TACC2: variants seen among roughly 807,000 people sequenced by gnomAD.
TACC2 encodes the protein transforming acidic coiled-coil containing protein 2, also known as transforming acidic coiled-coil-containing protein 2.
TACC2 carries 137 observed loss-of-function variants against 227.3 expected under a neutral mutation model. The ratio of observed to expected loss-of-function variants is 0.60; its 90% CI spans 0.52 to 0.69. The LOEUF (loss-of-function observed/expected upper bound fraction) is 0.69, where lower values mean the gene tolerates loss of function less well. Among genes scored for constraint, TACC2 ranks in the 30% least tolerant of loss-of-function variants. TACC2 has a pLI of 0.00. For synonymous variants in TACC2, 1,523 were observed against 1,487.5 expected (o/e 1.02, Z -0.55); for missense variants, 3,470 against 3,694.4 (o/e 0.94, Z 1.57).
rs370448226 is a variant in TACC2 at position 122,088,539 on chromosome 10, G to C, written c.5521G>C (p.Val1841Leu). 5.5e-5 allele frequency: 89 copies of C among 1,613,876 alleles called. 1 individual carries two copies. The highest frequency in any genetic ancestry group is 6.9e-5 in the Non-Finnish European group (81 of 1,179,914). The change falls in exon 5 of 23, where the codon GTC (valine) becomes CTC (leucine). Residue 1841 changes from valine (V) to leucine (L), a missense_variant. Val to Leu is a conservative substitution (Grantham distance 32). This residue lies in a region of TACC2 where 1,924 missense variants were observed against 1,978.3 expected (regional missense o/e 0.97). Coordinates refer to ENST00000369005, the MANE Select transcript of TACC2 (RefSeq NM_206862.4). ...PSVPKKDAPR[V>L]MDKVTSDETR... is the part of the protein sequence containing the mutation. ...GGTTCCTAAGAAGGATGCTCCAAGA[G>C]TCATGGATAAAGTCACTTCAGATGA...
intron 3 of TACC2, among the ~76,000 whole-genome samples, chr10:122,075,933 G>A (rs1367126126): frequency 1.3e-5 from 2 of 152,126 alleles, no homozygotes; most frequent in Non-Finnish European, 2.9e-5. Flanking sequence ...CCAAGTAGCT[G>A]GGATTACAGG....
rs925405340 is a variant in TACC2 at position 122,102,838 on chromosome 10, C to T, written c.5573+14247C>T. Reference sequence around the variant, plus strand: ...AGAAATTCTGGCTGAGGCTGAGAGCCGTGTGCAGAGCTGCCCCCACACATT... The same window carrying T: ...AGAAATTCTGGCTGAGGCTGAGAGCTGTGTGCAGAGCTGCCCCCACACATT... On this transcript the variant is annotated intron_variant, in intron 5 of 22. Transcript: ENST00000369005. Among the ~76,000 whole-genome samples the T allele has an allele frequency of 1.3e-4, 20 of 152,194 alleles. No individual in the cohort carries two copies. In the South Asian group the frequency reaches 2.3e-3, roughly 17 times the overall value.
chr10:122,139,256 G>T (rs768781224), intron 6 of TACC2, among the ~76,000 whole-genome samples: 2 of 152,250 alleles, frequency 1.3e-5, no homozygotes, highest in Non-Finnish European at 2.9e-5. Flanking sequence ...GAGCTGACCA[G>T]CCAGTTCAGG....
intron 8 of TACC2, among the ~76,000 whole-genome samples, chr10:122,207,869 G>A (rs779658019): frequency 1.7e-4 from 26 of 152,292 alleles, no homozygotes; most frequent in Middle Eastern, 6.8e-3. Flanking sequence ...GTTGGTGTTT[G>A]TGGGCCTTGA....
In TACC2 at chr10:122,085,571, G is replaced by A. The variant is rs963069615; in HGVS notation, c.3071G>A (p.Cys1024Tyr). 16 of 1,613,192 alleles carry A rather than the reference G, an allele frequency of 9.9e-6. No homozygotes were observed. Among genetic ancestry groups the A allele is most frequent in the Non-Finnish European group, 1.4e-5 (16 of 1,180,048 alleles). The change falls in exon 4 of 23, where the codon TGT becomes TAT. Residue 1024 changes from cysteine (C) to tyrosine (Y), a missense_variant. By Grantham distance (194) the Cys-to-Tyr change is radical. Transcript: ENST00000369005. Reference sequence around the variant, plus strand: ...GGAGCTTCTGAAGCAGCTGATGGTTGTTCCCCACTCTGGGGCTTGAGTAAG... The same window carrying A: ...GGAGCTTCTGAAGCAGCTGATGGTTATTCCCCACTCTGGGGCTTGAGTAAG... ...HPGASEAADG[C>Y]SPLWGLSKRE... is the part of the protein sequence containing the mutation.
intron 6 of TACC2, among the ~76,000 whole-genome samples, chr10:122,140,904 G>A (rs936549700): frequency 6.6e-6 from 1 of 152,218 alleles, no homozygotes; most frequent in African/African-American, 2.4e-5. Context: ...TGGAAAGTCA[G>A]GGAGGGCTTT....
intron 5 of TACC2, among the ~76,000 whole-genome samples, chr10:122,097,381 A>G (rs1006541893): frequency 6.6e-6 from 1 of 151,900 alleles, no homozygotes; most frequent in Non-Finnish European, 1.5e-5. Context: ...GGAGGAGGAG[A>G]AGGAGGAGAA....
intron 7 of TACC2, among the ~76,000 whole-genome samples, chr10:122,156,227 CTT>C (rs146123247): frequency 9.7e-5 from 13 of 133,540 alleles, no homozygotes; most frequent in Non-Finnish European, 1.1e-4. Flanking sequence ...AAAATGTAGA[CTT>C]TTTTTTTTTT....
At chr10:122,230,180 T>G (rs2141427212) in intron 15 of TACC2, among the ~76,000 whole-genome samples, 171 bp from the exon 16 acceptor site, 1 of 152,366 alleles carries the variant, frequency 6.6e-6, no homozygotes. Flanking sequence ...AATTAAATGC[T>G]TATTTCATGA....
At chr10:122,142,874 T>C (rs1044270173) in intron 6 of TACC2, among the ~76,000 whole-genome samples, 1 of 152,238 alleles carries the variant, frequency 6.6e-6, no homozygotes, top group Non-Finnish European at 1.5e-5. Context: ...GCCTTGCTTT[T>C]TGCCAGTGGG....
chr10:122,201,308 AC>A (rs1337507107), intron 8 of TACC2, among the ~76,000 whole-genome samples: 8 of 148,034 alleles, frequency 5.4e-5, no homozygotes, highest in Non-Finnish European at 1.2e-4. Context: ...CGGCCACCTC[AC>A]CTGCCCACAG....
At position 122,205,319 on chromosome 10, in the gene TACC2, C is replaced by T. The variant is rs1394658173; in HGVS notation, c.5972-5078C>T. On this transcript the variant is annotated intron_variant, in intron 8 of 22. Coordinates refer to ENST00000369005, the MANE Select transcript of TACC2 (RefSeq NM_206862.4). This position sits in a 1 kb window ranked among gnomAD's most constrained non-coding sequence, Gnocchi z 4.5. The stretch of plus-strand genomic sequence containing the variant: ...CTGAGGACAGAAGGCAGCCATGGCA[C>T]GGGCCTCCTGCTCTCTTGCTGGTCG... Among the ~76,000 whole-genome samples, 2 of 152,138 alleles carry T rather than the reference C, an allele frequency of 1.3e-5. No homozygotes were observed. Among genetic ancestry groups the T allele is most frequent in the Non-Finnish European group, 2.9e-5 (2 of 68,022 alleles).
chr10:122,226,298 A>G (rs1354614687), intron 12 of TACC2, 68 bp from the exon 13 acceptor site: 1 of 1,031,300 alleles, frequency 9.7e-7, no homozygotes, highest in South Asian at 1.3e-5. Flanking sequence ...AGAGTGCTCC[A>G]GTTTTCATCT....
Position 122,032,949 on chromosome 10 carries a change from G to A in TACC2, c.33+10935G>A, listed in dbSNP as rs1959165041. ...AGTCCAGCCTGGGCAGACACAGCAA[G>A]ACTCTGTCTCAACAAAACAACAAAA... On this transcript the variant is annotated intron_variant, in intron 2 of 22. Coordinates refer to ENST00000369005, the MANE Select transcript of TACC2 (RefSeq NM_206862.4). The A allele has an allele frequency of 1.8e-5, 8 of 456,832 alleles. No homozygotes were observed. In the East Asian group the frequency reaches 2.1e-4, roughly 12 times the overall value. The allele number at this position is 456,832 out of a possible 1,614,324, so 28.3% of individuals were successfully genotyped here.
At chr10:122,110,224 G>A (rs549589628) in intron 5 of TACC2, among the ~76,000 whole-genome samples, 137 of 152,296 alleles carry the variant, frequency 9.0e-4, no homozygotes, top group African/African-American at 3.0e-3. Context: ...TCTAAGGCAC[G>A]TGTTGCTGCC....
chr10:122,215,473 G>C, intron 10 of TACC2, 22 bp downstream of exon 10: 1 of 1,610,114 alleles, frequency 6.2e-7, no homozygotes, highest in Non-Finnish European at 8.5e-7. Flanking sequence ...CTTTGATCTT[G>C]ATGGTTTTAT....
At chr10:122,136,284 C>CA (rs149815085) in intron 6 of TACC2, among the ~76,000 whole-genome samples, 5,349 of 152,104 alleles carry the variant, frequency 0.035, 319 homozygotes, top group African/African-American at 0.12. Context: ...AGAAACTAAG[C>CA]GGGCGTCCTA....
intron 6 of TACC2, among the ~76,000 whole-genome samples, chr10:122,138,728 A>G (rs2090076205): frequency 6.6e-6 from 1 of 152,088 alleles, no homozygotes. Flanking sequence ...TTGAGTTTCC[A>G]TTGTCTGTCT....
chr10:122,083,126 T>A lies in TACC2; in HGVS notation c.626T>A (p.Met209Lys). Residue 209 changes from methionine to lysine, a missense_variant, in exon 4 of 23, where the codon ATG becomes AAG. Met to Lys is a moderately conservative substitution (Grantham distance 95). This residue lies in a region of TACC2 where 405 missense variants were observed against 389.6 expected (regional missense o/e 1.04). Transcript: ENST00000369005. Reference protein sequence around the residue: ...GMSPVPLREPMKAPLCGEGDQ... With the variant: ...GMSPVPLREPKKAPLCGEGDQ... ...TCGCCAGTACCCCTCAGAGAGCCAA[T>A]GAAGGCACCGCTGTGTGGAGAGGGG... The A allele has an allele frequency of 2.5e-6, 4 of 1,613,006 alleles. No homozygotes were observed. The highest frequency in any genetic ancestry group is 3.4e-6 in the Non-Finnish European group (4 of 1,179,986).
Sources: allele counts gnomAD v4.1 joint callset (sites outside exome capture counted in the v4.1 genomes callset), GRCh38; gene constraint gnomAD v4.1.1; regional missense constraint gnomAD v4.1.1; non-coding constraint Gnocchi (gnomAD v3.1); transcripts MANE v1.5; gene names NCBI Gene and HGNC (gene_info 2026-07-23, HGNC 2026-07-21).